The following SFRP1 variants were observed in gnomAD, a reference collection of about 807,000 sequenced individuals.
SFRP1 encodes the protein secreted frizzled related protein 1, also known as secreted frizzled-related protein 1.
SFRP1 carries 9 observed loss-of-function variants against 25.9 expected under a neutral mutation model. The ratio of observed to expected loss-of-function variants is 0.35; its 90% CI spans 0.21 to 0.61. The LOEUF (loss-of-function observed/expected upper bound fraction) is 0.61. Among genes scored for constraint, SFRP1 ranks in the 20% least tolerant of loss-of-function variants. The pLI is 0.78. For missense variants in SFRP1, 346 were observed against 418.2 expected (o/e 0.83, Z 1.51); for synonymous variants, 178 against 174.0 (o/e 1.02, Z -0.18).
intron 2 of SFRP1, among the ~76,000 whole-genome samples, chr8:41,280,819 A>T (rs969951459): frequency 6.6e-6 from 1 of 152,206 alleles, no homozygotes. Flanking sequence ...ACACATAGAC[A>T]GAGCTTTGCA....
intron 2 of SFRP1, among the ~76,000 whole-genome samples, chr8:41,290,868 TCTC>T (rs1416420443): frequency 7.3e-6 from 1 of 137,916 alleles, no homozygotes; most frequent in Non-Finnish European, 1.6e-5. Context: ...TTTGTCTTCT[TCTC>T]CTCCTCTTCC....
intron 1 of SFRP1, among the ~76,000 whole-genome samples, chr8:41,306,268 T>G (rs987557781): frequency 1.3e-5 from 2 of 152,220 alleles, no homozygotes; most frequent in African/African-American, 4.8e-5. Flanking sequence ...TTTGCCCAAG[T>G]GTGTGAACAG....
intron 2 of SFRP1, among the ~76,000 whole-genome samples, chr8:41,268,698 T>C (rs539448323): frequency 1.2e-4 from 19 of 152,288 alleles, no homozygotes; most frequent in African/African-American, 4.1e-4. Context: ...CTACCAACAA[T>C]GTTGAAAAGA....
At chr8:41,281,549 C>A (rs868312077) in intron 2 of SFRP1, among the ~76,000 whole-genome samples, 11 of 152,226 alleles carry the variant, frequency 7.2e-5, no homozygotes, top group African/African-American at 2.4e-4. Context: ...CTAGTCTGTC[C>A]TCAGGTGCTA....
At chr8:41,273,252 G>A (rs934925453) in intron 2 of SFRP1, among the ~76,000 whole-genome samples, 4 of 152,174 alleles carry the variant, frequency 2.6e-5, no homozygotes, top group African/African-American at 9.7e-5. Context: ...CACTTTGGGA[G>A]GCAGAGGTAG....
chr8:41,285,832 T>C (rs1002968143), intron 2 of SFRP1, among the ~76,000 whole-genome samples: 2 of 152,292 alleles, frequency 1.3e-5, no homozygotes, highest in South Asian at 2.1e-4. Flanking sequence ...CCGGATGGGA[T>C]GGCCAGGCTC....
Position 41,309,091 on chromosome 8 carries a change from C to T in SFRP1, c.69G>A (p.Ala23=). The T allele has an allele frequency of 6.3e-7, 1 of 1,581,532 alleles. No homozygotes were observed. Among genetic ancestry groups the T allele is most frequent in the Non-Finnish European group, 8.5e-7 (1 of 1,171,798 alleles). ...AALGVLLALG[A]ALLAVGSASE... ...TGGCCGAGCCCACGGCCAGAAGCGC[C>T]GCGCCCAGCGCCAGCAGCACGCCCA... is the stretch of plus-strand genomic sequence containing the variant. The change falls in exon 1 of 3, where the codon GCG becomes GCA. Residue 23 remains alanine, a synonymous_variant. Coordinates refer to ENST00000220772, the MANE Select transcript of SFRP1 (RefSeq NM_003012.5).
chr8:41,273,021 T>C (rs1277963651), intron 2 of SFRP1, among the ~76,000 whole-genome samples: 1 of 152,242 alleles, frequency 6.6e-6, no homozygotes, highest in Non-Finnish European at 1.5e-5. Flanking sequence ...AATGAATCAA[T>C]GCCTTTAAAA....
intron 2 of SFRP1, chr8:41,277,077 A>C: frequency 4.4e-6 from 2 of 455,608 alleles, no homozygotes; most frequent in Non-Finnish European, 8.8e-6. Context: ...CCACTCTGAG[A>C]GCAAAGTGCT....
At chr8:41,307,972 G>A (rs1414720745) in intron 1 of SFRP1, among the ~76,000 whole-genome samples, 1 of 152,212 alleles carries the variant, frequency 6.6e-6, no homozygotes, top group East Asian at 1.9e-4. Flanking sequence ...AGCCCTCCGA[G>A]GGCAGAGCTG....
At chr8:41,293,866 G>A (rs145188486) in intron 2 of SFRP1, among the ~76,000 whole-genome samples, 39 of 152,066 alleles carry the variant, frequency 2.6e-4, no homozygotes, top group African/African-American at 9.2e-4. Context: ...TCGACCTCGC[G>A]GGCTCAGACG....
intron 1 of SFRP1, among the ~76,000 whole-genome samples, chr8:41,305,793 C>A (rs1803988217): frequency 6.6e-6 from 1 of 152,248 alleles, no homozygotes; most frequent in South Asian, 2.1e-4. Context: ...CACACACACA[C>A]AAGTGCTTTC....
chr8:41,270,875 C>T (rs1239759587), intron 2 of SFRP1, among the ~76,000 whole-genome samples: 1 of 151,750 alleles, frequency 6.6e-6, no homozygotes, highest in Non-Finnish European at 1.5e-5. Context: ...AGGCCTGAAC[C>T]TGCACACAGC....
At chr8:41,304,911 G>A (rs1293772077) in intron 1 of SFRP1, among the ~76,000 whole-genome samples, 1 of 152,046 alleles carries the variant, frequency 6.6e-6, no homozygotes, top group Non-Finnish European at 1.5e-5. Flanking sequence ...GATTCTCAGT[G>A]CAGTTAAGAA....
chr8:41,305,360 T>G (rs1174464683), intron 1 of SFRP1, among the ~76,000 whole-genome samples: 2 of 152,208 alleles, frequency 1.3e-5, no homozygotes, highest in Admixed American at 6.5e-5. Context: ...TCTGCACTTC[T>G]CAGGGACATT....
intron 2 of SFRP1, among the ~76,000 whole-genome samples, chr8:41,287,416 C>T (rs1045433024): frequency 1.3e-5 from 2 of 152,204 alleles, no homozygotes; most frequent in South Asian, 2.1e-4. Context: ...GGCATCGGCT[C>T]GGAGGAACGT....
chr8:41,287,038 A>G (rs1803714031), intron 2 of SFRP1, among the ~76,000 whole-genome samples: 1 of 152,218 alleles, frequency 6.6e-6, no homozygotes. Flanking sequence ...AATAACGTCT[A>G]CAGTGGGACC....
At chr8:41,286,574 T>A (rs890539090) in intron 2 of SFRP1, among the ~76,000 whole-genome samples, 5 of 151,996 alleles carry the variant, frequency 3.3e-5, no homozygotes, top group Non-Finnish European at 4.4e-5. Flanking sequence ...CAACTGCAGG[T>A]CCGTTCCCAA....
At position 41,280,470 on chromosome 8, in the gene SFRP1, G is replaced by A. The variant is rs117846616; in HGVS notation, c.623-14981C>T. ...GCATTCAAGGCAGCCAGGTGGCACC[G>A]GCCTCAAGCTGAATGCCCTGACTCC... On this transcript the variant is annotated intron_variant, in intron 2 of 2. Transcript: ENST00000220772. 5.0e-3 allele frequency among the ~76,000 whole-genome samples: 754 copies of A among 152,296 alleles called. 4 individuals are homozygous for A. Among genetic ancestry groups the A allele is most frequent in the South Asian group, 0.032 (154 of 4,822 alleles).
Sources: allele counts gnomAD v4.1 joint callset (sites outside exome capture counted in the v4.1 genomes callset), GRCh38; gene constraint gnomAD v4.1.1; transcripts MANE v1.5; gene names NCBI Gene and HGNC (gene_info 2026-07-23, HGNC 2026-07-21).